Variants in TMEM178B observed in about 807,000 individuals in gnomAD.
TMEM178B encodes transmembrane protein 178B.
In TMEM178B, 5 loss-of-function variants were observed where a neutral mutation model predicts 31.0. That is an observed-to-expected ratio of 0.16 (90% CI 0.08 to 0.34). The LOEUF (loss-of-function observed/expected upper bound fraction) is 0.34. Ranked by LOEUF, TMEM178B falls within the 10% of genes least tolerant of loss-of-function variation. The probability of loss-of-function intolerance (pLI) is 1.00; values close to 1 mark genes in which losing one functional copy is unlikely to be tolerated. For missense variants in TMEM178B, 275 were observed against 400.3 expected (o/e 0.69, Z 2.67); for synonymous variants, 164 against 164.0 (o/e 1.00, Z 0.00).
intron 2 of TMEM178B, among the ~76,000 whole-genome samples, chr7:141,286,622 A>T (rs757136161): frequency 6.6e-6 from 1 of 152,170 alleles, no homozygotes; most frequent in Non-Finnish European, 1.5e-5. Flanking sequence ...CTCGGGGAGA[A>T]TCACACTTAC....
chr7:141,474,037 G>T lies in TMEM178B; in HGVS notation c.*3251G>T, dbSNP rs1490032249. ...ACCCAACCTTATGAGGGCATTTAGG[G>T]TCAATGACCTCACTAAAGTCACCAG... On this transcript the variant is annotated 3_prime_UTR_variant, in exon 4 of 4. Transcript: ENST00000565468. The T allele has an allele frequency of 1.3e-5, 2 of 152,146 alleles. No individual in the cohort carries two copies. The highest frequency in any genetic ancestry group is 2.9e-5 in the Non-Finnish European group (2 of 68,044). 9.4% of individuals were successfully genotyped at this position (152,146 alleles called of 1,614,324 possible). A position where few individuals can be genotyped will look rare whatever the true frequency, so the allele number is the denominator to read the frequency against.
At chr7:141,232,042 T>C (rs558888666) in intron 2 of TMEM178B, among the ~76,000 whole-genome samples, 7 of 152,316 alleles carry the variant, frequency 4.6e-5, no homozygotes, top group Middle Eastern at 3.4e-3. Flanking sequence ...CTCCCACTTA[T>C]AAGTGAGAAC....
chr7:141,295,721 T>C (rs1798620150), intron 2 of TMEM178B, among the ~76,000 whole-genome samples: 1 of 133,614 alleles, frequency 7.5e-6, no homozygotes, highest in Non-Finnish European at 1.7e-5. Flanking sequence ...AGAGAGGCAA[T>C]TCACAAAGCA....
chr7:141,248,514 C>T (rs1357724377), intron 2 of TMEM178B, among the ~76,000 whole-genome samples: 4 of 152,204 alleles, frequency 2.6e-5, no homozygotes, highest in Non-Finnish European at 5.9e-5. Flanking sequence ...TGTACTTATA[C>T]AGACATTGAC....
At chr7:141,432,199 G>A (rs1408858004) in intron 2 of TMEM178B, among the ~76,000 whole-genome samples, 3 of 119,350 alleles carry the variant, frequency 2.5e-5, no homozygotes, top group South Asian at 2.8e-4. Context: ...CTGTCGCCCA[G>A]GCTGGAGTAC....
intron 2 of TMEM178B, among the ~76,000 whole-genome samples, chr7:141,228,769 C>T (rs559873698): frequency 5.8e-4 from 88 of 152,272 alleles, no homozygotes; most frequent in African/African-American, 1.9e-3. Context: ...TTCCTCCATT[C>T]GCTCGGCATC....
rs192771402 is a variant in TMEM178B, at chr7:141,238,735, T to C, written c.496+26031T>C. On this transcript the variant is annotated intron_variant, in intron 2 of 3. Coordinates refer to ENST00000565468, the MANE Select transcript of TMEM178B (RefSeq NM_001195278.2). ...ACTGTGAGTTTCCTGACCTGGCCAC[T>C]GTTTATGCGGATCTAGGCCTGTGTT... is the stretch of plus-strand genomic sequence containing the variant. Among the ~76,000 whole-genome samples, 16 of 152,310 alleles carry C rather than the reference T, an allele frequency of 1.1e-4. No homozygotes were observed. In the East Asian group the frequency reaches 2.9e-3, roughly 28 times the overall value.
chr7:141,484,478 T>C (rs1162231085), downstream of TMEM178B, among the ~76,000 whole-genome samples: 1 of 152,238 alleles, frequency 6.6e-6, no homozygotes, highest in Non-Finnish European at 1.5e-5. The surrounding 1 kb of genome is among the most constrained non-coding windows in gnomAD (Gnocchi z 4.8). Flanking sequence ...AAAGGATTTG[T>C]GTACACTGGT....
At chr7:141,317,181 A>G (rs1254131186) in intron 2 of TMEM178B, among the ~76,000 whole-genome samples, 1 of 152,198 alleles carries the variant, frequency 6.6e-6, no homozygotes. Flanking sequence ...TAAAGCAGCC[A>G]TGGTCAAGGC....
At chr7:141,438,724 A>AAAAAAAAAAAAAAAAAAAAAAAAAAAAG (rs1801599300) in intron 3 of TMEM178B, among the ~76,000 whole-genome samples, 1 of 142,994 alleles carries the variant, frequency 7.0e-6, no homozygotes, top group Non-Finnish European at 1.5e-5. Flanking sequence ...AAAAAAAAAA[A>AAAAAAAAAAAAAAAAAAAAAAAAAAAAG]AATTAGCCAG....
chr7:141,296,931 C>T (rs1252190927), intron 2 of TMEM178B, among the ~76,000 whole-genome samples: 1 of 152,220 alleles, frequency 6.6e-6, no homozygotes, highest in Admixed American at 6.5e-5. Context: ...ACAGTGGCAA[C>T]TTGTGTGCTT....
chr7:141,118,505 C>T (rs941210010), intron 1 of TMEM178B, among the ~76,000 whole-genome samples: 3 of 152,126 alleles, frequency 2.0e-5, no homozygotes, highest in African/African-American at 4.8e-5. Context: ...GAATATCCAG[C>T]GTATAGTAAG....
At chr7:141,251,964 C>T (rs949211264) in intron 2 of TMEM178B, among the ~76,000 whole-genome samples, 2 of 152,124 alleles carry the variant, frequency 1.3e-5, no homozygotes, top group African/African-American at 4.8e-5. Flanking sequence ...TTTTTTTCCT[C>T]TTAAGAGAGA....
chr7:141,179,521 T>C (rs796563186), intron 1 of TMEM178B, among the ~76,000 whole-genome samples: 5 of 152,364 alleles, frequency 3.3e-5, no homozygotes, highest in African/African-American at 1.2e-4. Flanking sequence ...AATCTCTTTA[T>C]TGATTTTTTT....
chr7:141,233,920 C>G (rs1797486905), intron 2 of TMEM178B, among the ~76,000 whole-genome samples: 1 of 152,202 alleles, frequency 6.6e-6, no homozygotes, highest in African/African-American at 2.4e-5. Context: ...AAATGCAGAT[C>G]CTTATCCTGC....
intron 1 of TMEM178B, among the ~76,000 whole-genome samples, chr7:141,098,975 AAAC>A (rs1475786921): frequency 1.4e-5 from 2 of 147,764 alleles, no homozygotes; most frequent in Non-Finnish European, 3.0e-5. Flanking sequence ...ACCCAAAACA[AAAC>A]AAACAAACAA....
chr7:141,507,256 G>C, the TMEM178B span, among the ~76,000 whole-genome samples: 3 of 152,190 alleles, frequency 2.0e-5, no homozygotes, highest in African/African-American at 7.2e-5. Context: ...CCAACCCCGC[G>C]TTTCCCTTCT....
chr7:141,106,494 A>G (rs903929066), intron 1 of TMEM178B, among the ~76,000 whole-genome samples: 3 of 152,258 alleles, frequency 2.0e-5, no homozygotes, highest in Non-Finnish European at 4.4e-5. Context: ...CCCTAGGAGT[A>G]CAAGCTCACA....
intron 2 of TMEM178B, among the ~76,000 whole-genome samples, chr7:141,319,575 C>A (rs561431839): frequency 6.6e-6 from 1 of 151,830 alleles, no homozygotes; most frequent in Non-Finnish European, 1.5e-5. Flanking sequence ...TTTTTTGAGA[C>A]GGAGTCTCAC....
Sources: gnomAD v4.1 joint callset for allele counts (sites outside exome capture counted in the v4.1 genomes callset) on GRCh38, gnomAD v4.1.1 for gene constraint, Gnocchi (gnomAD v3.1) non-coding constraint, MANE v1.5 for transcripts, NCBI Gene and HGNC (gene_info 2026-07-23, HGNC 2026-07-21) for gene names.